Variants in PTPRD observed in about 807,000 individuals in gnomAD.
PTPRD encodes receptor-type tyrosine-protein phosphatase delta.
A neutral mutation model predicts 214.5 loss-of-function variants in PTPRD; 34 were observed. The observed-to-expected ratio is 0.16, with a 90% CI of 0.12 to 0.21. The LOEUF (loss-of-function observed/expected upper bound fraction) is 0.21, where lower values mean the gene tolerates loss of function less well. Among genes scored for constraint, PTPRD ranks in the 10% least tolerant of loss-of-function variants. The pLI, the probability that PTPRD is intolerant of heterozygous loss-of-function variation, is 1.00. For missense variants in PTPRD, 2,545 were observed against 2,398.7 expected (o/e 1.06, Z -1.27); for synonymous variants, 1,128 against 845.7 (o/e 1.33, Z -5.79).
intron 3 of PTPRD, among the ~76,000 whole-genome samples, chr9:10,036,506 G>GCGCACACA (rs2097183599): frequency 7.0e-6 from 1 of 142,008 alleles, no homozygotes; most frequent in African/African-American, 2.6e-5. Context: ...ACACACTCAT[G>GCGCACACA]CACACACACA....
At chr9:10,544,297 T>C (rs1016424620) in intron 2 of PTPRD, among the ~76,000 whole-genome samples, 4 of 152,238 alleles carry the variant, frequency 2.6e-5, no homozygotes, top group Admixed American at 6.5e-5. Context: ...GTCTAAAATA[T>C]GTTATTTTGA....
intron 11 of PTPRD, among the ~76,000 whole-genome samples, chr9:8,835,846 C>T (rs1335333965): frequency 6.6e-6 from 1 of 152,124 alleles, no homozygotes; most frequent in African/African-American, 2.4e-5. Flanking sequence ...CAATTTTATT[C>T]TTCATAATAC....
At chr9:9,349,377 T>A (rs2050202654) in intron 9 of PTPRD, among the ~76,000 whole-genome samples, 1 of 152,056 alleles carries the variant, frequency 6.6e-6, no homozygotes, top group African/African-American at 2.4e-5. Context: ...ACAGGGACCA[T>A]AAACTGATAT....
chr9:8,434,069 G>T (rs1477322921), intron 35 of PTPRD, among the ~76,000 whole-genome samples: 1 of 152,124 alleles, frequency 6.6e-6, no homozygotes, highest in African/African-American at 2.4e-5. Flanking sequence ...TGCAACCTCT[G>T]CCTCCCAGGT....
intron 3 of PTPRD, among the ~76,000 whole-genome samples, chr9:10,269,871 C>G (rs1001330347): frequency 1.3e-5 from 2 of 152,090 alleles, no homozygotes; most frequent in Admixed American, 6.5e-5. Flanking sequence ...TGCTTTAATA[C>G]TTTTATTAAT....
chr9:10,524,720 C>G (rs961209937), intron 2 of PTPRD, among the ~76,000 whole-genome samples: 1 of 151,980 alleles, frequency 6.6e-6, no homozygotes. Context: ...CCCCTAGTAA[C>G]GTATAATCTC....
rs572111355 is a variant in PTPRD at position 9,729,751 on chromosome 9, CA to C, written c.-287+4781del. Among the ~76,000 whole-genome samples the C allele has an allele frequency of 3.3e-3, 475 of 143,194 alleles. 3 individuals carry two copies. The highest frequency in any genetic ancestry group is 9.5e-3 in the African/African-American group (376 of 39,396). 93.9% of individuals were successfully genotyped at this position (143,194 alleles called of 152,430 possible). A position where few individuals can be genotyped will look rare whatever the true frequency, so the allele number is the denominator to read the frequency against. ...CCAATCCCTATCAAATGGTTTGCAA[CA>C]AAAAAAAAAATTGTGAGAGAACGAA... is the stretch of plus-strand genomic sequence containing the variant. On this transcript the variant is annotated intron_variant, in intron 7 of 45. Coordinates refer to ENST00000381196, the MANE Select transcript of PTPRD (RefSeq NM_002839.4).
At chr9:8,428,312 G>T (rs1236810282) in intron 35 of PTPRD, among the ~76,000 whole-genome samples, 2 of 152,184 alleles carry the variant, frequency 1.3e-5, no homozygotes, top group Non-Finnish European at 2.9e-5. Context: ...TGTATTAGGA[G>T]ATTCTGATCT....
intron 7 of PTPRD, among the ~76,000 whole-genome samples, chr9:9,707,074 T>A (rs1308542967): frequency 1.3e-5 from 2 of 152,288 alleles, no homozygotes; most frequent in Non-Finnish European, 2.9e-5. Flanking sequence ...GATGTCCTTT[T>A]TATTAAAATT....
chr9:8,550,959 C>G (rs1029820852), intron 14 of PTPRD, among the ~76,000 whole-genome samples: 1 of 152,206 alleles, frequency 6.6e-6, no homozygotes, highest in African/African-American at 2.4e-5. Flanking sequence ...AACAATTACT[C>G]ATCACCAACA....
intron 10 of PTPRD, among the ~76,000 whole-genome samples, chr9:9,106,612 CAAAAAAAA>C (rs5896301): frequency 0.037 from 2,658 of 71,710 alleles, 116 homozygotes; most frequent in African/African-American, 0.13. Context: ...ATTCCATAGG[CAAAAAAAA>C]AAAAAAAAAA....
At chr9:9,582,830 A>C (rs2091124015) in intron 7 of PTPRD, among the ~76,000 whole-genome samples, 1 of 152,078 alleles carries the variant, frequency 6.6e-6, no homozygotes. Flanking sequence ...TAAAATAAGA[A>C]AAAACTATAA....
intron 12 of PTPRD, among the ~76,000 whole-genome samples, chr9:8,647,995 C>G (rs1347491170): frequency 6.6e-6 from 1 of 152,214 alleles, no homozygotes; most frequent in Non-Finnish European, 1.5e-5. Flanking sequence ...CCTTCAACAT[C>G]TCTGATCTCA....
At chr9:10,363,625 A>C (rs532179059) in intron 2 of PTPRD, among the ~76,000 whole-genome samples, 15 of 152,320 alleles carry the variant, frequency 9.8e-5, no homozygotes, top group African/African-American at 3.4e-4. Flanking sequence ...CCATTTGAAA[A>C]GGCAAGATAT....
chr9:10,365,236 C>G (rs896168864), intron 2 of PTPRD, among the ~76,000 whole-genome samples: 2 of 152,122 alleles, frequency 1.3e-5, no homozygotes, highest in African/African-American at 4.8e-5. Flanking sequence ...TTTCCACTTG[C>G]AGGTTAAAAA....
intron 39 of PTPRD, among the ~76,000 whole-genome samples, chr9:8,349,235 G>C (rs1391561826): frequency 6.8e-6 from 1 of 146,962 alleles, no homozygotes; most frequent in Non-Finnish European, 1.5e-5. Flanking sequence ...TCCAATTGCT[G>C]AGAAATAACA....
chr9:9,782,730 C>T (rs187867702), intron 5 of PTPRD, among the ~76,000 whole-genome samples: 6 of 152,260 alleles, frequency 3.9e-5, no homozygotes, highest in African/African-American at 1.4e-4. Context: ...ATAACATTCT[C>T]TCAAGTCCTC....
At chr9:9,259,356 T>A (rs552640354) in intron 9 of PTPRD, among the ~76,000 whole-genome samples, 1 of 151,982 alleles carries the variant, frequency 6.6e-6, no homozygotes, top group African/African-American at 2.4e-5. Flanking sequence ...TATAAAACTA[T>A]GGCTGGAAGG....
chr9:9,165,992 T>C (rs2099902855), intron 10 of PTPRD, among the ~76,000 whole-genome samples: 1 of 152,194 alleles, frequency 6.6e-6, no homozygotes, highest in African/African-American at 2.4e-5. Flanking sequence ...GCTCTTATCC[T>C]GTCCCAAATA....
Sources: gnomAD v4.1 joint callset for allele counts (sites outside exome capture counted in the v4.1 genomes callset) on GRCh38, gnomAD v4.1.1 for gene constraint, MANE v1.5 for transcripts, NCBI Gene and HGNC (gene_info 2026-07-23, HGNC 2026-07-21) for gene names.